The following LINGO2 variants were observed in gnomAD, a reference collection of about 807,000 sequenced individuals.
The protein encoded by LINGO2 is leucine-rich repeat and immunoglobulin-like domain-containing nogo receptor-interacting protein 2.
In LINGO2, 14 loss-of-function variants were observed where a neutral mutation model predicts 30.6. The observed-to-expected ratio is 0.46, with a 90% CI of 0.30 to 0.72. The LOEUF is 0.72. Ranked by LOEUF, LINGO2 falls within the 30% of genes least tolerant of loss-of-function variation. The pLI, the probability that LINGO2 is intolerant of heterozygous loss-of-function variation, is 0.07. For missense variants in LINGO2, 729 were observed against 751.7 expected, an observed-to-expected ratio of 0.97 and a Z score of 0.35; for synonymous variants, 317 against 288.5, an observed-to-expected ratio of 1.10 and a Z score of -1.00.
At chr9:28,302,054 C>T (rs543037245) in intron 3 of LINGO2, among the ~76,000 whole-genome samples, 1 of 152,260 alleles carries the variant, frequency 6.6e-6, no homozygotes, top group African/African-American at 2.4e-5. Flanking sequence ...ACCAGACCTG[C>T]CTTATAAGAT....
At chr9:28,411,357 A>G (rs781706978) in intron 2 of LINGO2, among the ~76,000 whole-genome samples, 2 of 152,178 alleles carry the variant, frequency 1.3e-5, no homozygotes, top group Non-Finnish European at 2.9e-5. Flanking sequence ...CAAAAAACAC[A>G]TAACTTACAA....
At chr9:28,675,174 A>G (rs113132293), upstream of LINGO2, among the ~76,000 whole-genome samples, 14 of 152,304 alleles carry the variant, frequency 9.2e-5, 2 homozygotes, top group African/African-American at 3.1e-4. Flanking sequence ...CACTTCACAT[A>G]TATATAACTG....
chr9:29,103,041 A>G, the LINGO2 span, among the ~76,000 whole-genome samples: 35,834 of 151,980 alleles, frequency 0.24, 4,354 homozygotes, highest in East Asian at 0.4. Flanking sequence ...TTGAAGAAAC[A>G]AAACAACAGT....
chr9:29,001,716 G>A, the LINGO2 span, among the ~76,000 whole-genome samples: 1 of 151,892 alleles, frequency 6.6e-6, no homozygotes, highest in East Asian at 1.9e-4. Context: ...TCTCACCTAA[G>A]GATAAAGATC....
intron 4 of LINGO2, among the ~76,000 whole-genome samples, chr9:28,188,303 C>CA (rs1819616266): frequency 6.6e-6 from 1 of 151,690 alleles, no homozygotes. Flanking sequence ...CTTCTGATAA[C>CA]AAAATAAGCA....
intron 4 of LINGO2, among the ~76,000 whole-genome samples, chr9:28,261,537 A>G (rs893088138): frequency 6.6e-6 from 1 of 151,954 alleles, no homozygotes; most frequent in Admixed American, 6.6e-5. Context: ...TAAATTTGGC[A>G]CGTAGTCCTT....
chr9:27,976,807 T>C (rs10968245), intron 5 of LINGO2, among the ~76,000 whole-genome samples: 1 of 151,850 alleles, frequency 6.6e-6, no homozygotes, highest in Non-Finnish European at 1.5e-5. Context: ...ATCCTTCATA[T>C]TTTCCAGTTG....
chr9:28,298,264 GA>G (rs1427819291), intron 3 of LINGO2, among the ~76,000 whole-genome samples: 1 of 151,918 alleles, frequency 6.6e-6, no homozygotes, highest in Non-Finnish European at 1.5e-5. Flanking sequence ...ATTTCCAAAG[GA>G]TTTAATTATT....
intron 1 of LINGO2, among the ~76,000 whole-genome samples, chr9:28,516,243 C>T (rs548103629): frequency 4.3e-4 from 66 of 152,168 alleles, no homozygotes; most frequent in African/African-American, 1.5e-3. Flanking sequence ...CTCTGAGGTA[C>T]GCCTGTATAT....
intron 3 of LINGO2, among the ~76,000 whole-genome samples, chr9:28,350,419 G>T (rs1266475474): frequency 6.7e-6 from 1 of 149,238 alleles, no homozygotes; most frequent in South Asian, 2.2e-4. Flanking sequence ...TTACATAATG[G>T]TAAAGGGATC....
In LINGO2 at chr9:28,104,264, TTG is replaced by T. The variant is rs1491538089; in HGVS notation, c.-86-91861_-86-91860del. Among the ~76,000 whole-genome samples the T allele has an allele frequency of 1.3e-3, 146 of 110,068 alleles. 9 individuals carry two copies. The highest frequency in any genetic ancestry group is 2.1e-3 in the Non-Finnish European group (113 of 53,304). The allele number at this position is 110,068 out of a possible 152,430, so 72.2% of individuals were successfully genotyped here. A position where few individuals can be genotyped will look rare whatever the true frequency, so the allele number is the denominator to read the frequency against. On this transcript the variant is annotated intron_variant, in intron 4 of 5. Transcript: ENST00000379992. ...CTTTTCCCCAGTACAAGTTTTTTGT[TTG>T]TTTTTTTTTTTTTTTTTTTTGCTTT...
At chr9:28,807,916 A>G in the LINGO2 span, among the ~76,000 whole-genome samples, 2 of 152,180 alleles carry the variant, frequency 1.3e-5, no homozygotes, top group Admixed American at 6.5e-5. Context: ...GCTAAATGAA[A>G]GAAGAAAAAA....
In LINGO2 at chr9:27,955,935, CTTTTTTTTTT is replaced by C. The variant is rs532878364; in HGVS notation, c.-35-5239_-35-5230del. Among the ~76,000 whole-genome samples the C allele has an allele frequency of 2.8e-5, 3 of 106,772 alleles. No individual in the cohort carries two copies. The East Asian group carries it at 8.6e-4, about 31-fold the overall frequency. The allele number at this position is 106,772 out of a possible 152,430, so 70.0% of individuals were successfully genotyped here. Reference sequence around the variant, plus strand: ...ATATCCCCTTCGACATGGATACTGACTTTTTTTTTTTTTTTTTTTTTGAGACGGAGTTTCG... The same window carrying C: ...ATATCCCCTTCGACATGGATACTGACTTTTTTTTTTTGAGACGGAGTTTCG... On this transcript the variant is annotated intron_variant, in intron 5 of 5. Transcript: ENST00000379992.
the LINGO2 span, among the ~76,000 whole-genome samples, chr9:28,724,502 C>T: frequency 3.9e-5 from 6 of 152,118 alleles, no homozygotes; most frequent in Admixed American, 3.9e-4. Context: ...AATGCACTTG[C>T]CATAGACCTC....
intron 2 of LINGO2, among the ~76,000 whole-genome samples, chr9:28,461,842 T>G (rs1825093588): frequency 1.3e-5 from 2 of 152,304 alleles, no homozygotes; most frequent in South Asian, 4.1e-4. Flanking sequence ...TCTATGACAT[T>G]ACAGCAATGG....
At chr9:28,776,471 G>A in the LINGO2 span, among the ~76,000 whole-genome samples, 1 of 152,134 alleles carries the variant, frequency 6.6e-6, no homozygotes, top group African/African-American at 2.4e-5. Context: ...AATGCAGAAA[G>A]TTTACTCAAA....
At chr9:28,923,197 T>G in the LINGO2 span, among the ~76,000 whole-genome samples, 4 of 152,180 alleles carry the variant, frequency 2.6e-5, no homozygotes, top group Non-Finnish European at 4.4e-5. Flanking sequence ...TTCTTTATCT[T>G]ATAGATGGTT....
intron 2 of LINGO2, among the ~76,000 whole-genome samples, chr9:28,422,256 A>T (rs774535819): frequency 2.8e-4 from 42 of 152,162 alleles, no homozygotes; most frequent in Non-Finnish European, 5.6e-4. Flanking sequence ...AATATTTTCA[A>T]ATCATATATC....
intron 1 of LINGO2, among the ~76,000 whole-genome samples, chr9:28,505,978 T>C (rs538349936): frequency 6.6e-6 from 1 of 152,002 alleles, no homozygotes; most frequent in Admixed American, 6.6e-5. Flanking sequence ...CATTGTTCTA[T>C]TATATCTCTA....
Sources: allele counts gnomAD v4.1 joint callset (sites outside exome capture counted in the v4.1 genomes callset), GRCh38; gene constraint gnomAD v4.1.1; transcripts MANE v1.5; gene names NCBI Gene and HGNC (gene_info 2026-07-23, HGNC 2026-07-21).